CSPP1: variants seen among roughly 807,000 people sequenced by gnomAD.
The protein encoded by CSPP1 is centrosome and spindle pole-associated protein 1.
Under a neutral mutation model 164.4 loss-of-function variants are expected in CSPP1, and 126 were observed. That is an observed-to-expected ratio of 0.77 (90% CI 0.66 to 0.89). The LOEUF (loss-of-function observed/expected upper bound fraction) is 0.89, where lower values mean the gene tolerates loss of function less well. Among genes scored for constraint, CSPP1 ranks in the 40% least tolerant of loss-of-function variants. The probability of loss-of-function intolerance (pLI) is 0.00; values close to 1 mark genes in which losing one functional copy is unlikely to be tolerated. For missense variants in CSPP1, 1,395 were observed against 1,449.8 expected, an observed-to-expected ratio of 0.96 and a Z score of 0.61; for synonymous variants, 472 against 476.7, an observed-to-expected ratio of 0.99 and a Z score of 0.13.
chr8:67,194,933 T>C (rs938600612), intron 30 of CSPP1, among the ~76,000 whole-genome samples: 1 of 152,164 alleles, frequency 6.6e-6, no homozygotes, highest in Non-Finnish European at 1.5e-5. Context: ...AATTTCCTTA[T>C]AGCAGTGTTG....
intron 28 of CSPP1, among the ~76,000 whole-genome samples, chr8:67,183,083 C>T (rs911161712): frequency 1.3e-5 from 2 of 152,204 alleles, no homozygotes; most frequent in Non-Finnish European, 2.9e-5. Flanking sequence ...CATATGCTTG[C>T]TTCTAAGAGT....
At chr8:67,162,740 C>T (rs1191271227) in intron 22 of CSPP1, among the ~76,000 whole-genome samples, 2 of 152,078 alleles carry the variant, frequency 1.3e-5, no homozygotes, top group Non-Finnish European at 2.9e-5. Context: ...CAAACAAAGG[C>T]AGTGACACCA....
intron 8 of CSPP1, among the ~76,000 whole-genome samples, chr8:67,104,992 T>A (rs1274083109): frequency 7.8e-6 from 1 of 128,108 alleles, no homozygotes; most frequent in Non-Finnish European, 1.6e-5. Flanking sequence ...TTTTTTTTTT[T>A]ACTGGGGTAG....
intron 8 of CSPP1, among the ~76,000 whole-genome samples, chr8:67,105,332 G>T (rs1306976378): frequency 6.6e-6 from 1 of 151,826 alleles, no homozygotes; most frequent in Non-Finnish European, 1.5e-5. Context: ...GCCTGAAAAA[G>T]ATTTTATTTG....
chr8:67,152,086 CAAAA>C (rs1185447488), intron 18 of CSPP1, among the ~76,000 whole-genome samples: 1 of 58,138 alleles, frequency 1.7e-5, no homozygotes, highest in South Asian at 6.1e-4. Context: ...GACTCCATCT[CAAAA>C]AAAAAAAAAA....
At chr8:67,153,367 A>G (rs1217978306) in intron 18 of CSPP1, among the ~76,000 whole-genome samples, 1 of 152,140 alleles carries the variant, frequency 6.6e-6, no homozygotes, top group East Asian at 1.9e-4. Context: ...AATTGCTTTT[A>G]TGAAATAATT....
At chr8:67,148,954 T>C (rs1206571858) in intron 17 of CSPP1, among the ~76,000 whole-genome samples, 1 of 152,206 alleles carries the variant, frequency 6.6e-6, no homozygotes, top group East Asian at 1.9e-4. Flanking sequence ...ATCTTGCGGT[T>C]CTGAGGGTTA....
chr8:67,147,690 C>T (rs1321247001), intron 17 of CSPP1, among the ~76,000 whole-genome samples: 1 of 151,938 alleles, frequency 6.6e-6, no homozygotes, highest in Non-Finnish European at 1.5e-5. Context: ...TTGTATCCTC[C>T]GAGATGCTGT....
Position 67,131,821 on chromosome 8 carries a change from TG to T in CSPP1, c.1698-128del, listed in dbSNP as rs1821290636. ...AAGGGGTCACTTAAGGATTCCTCTT[TG>T]GCCTATAGAGAAATATCCTTCTGTA... On this transcript the variant is annotated intron_variant, in intron 15 of 30. Coordinates refer to ENST00000678616, the MANE Select transcript of CSPP1 (RefSeq NM_001382391.1). 6.6e-6 allele frequency: 5 copies of T among 759,730 alleles called. No homozygotes were observed. The South Asian group carries it at 1.0e-4, about 16-fold the overall frequency. 47.1% of individuals were successfully genotyped at this position (759,730 alleles called of 1,614,324 possible). A position where few individuals can be genotyped will look rare whatever the true frequency, so the allele number is the denominator to read the frequency against.
chr8:67,175,335 A>T lies in CSPP1; in HGVS notation c.3008A>T (p.Asp1003Val). The T allele has an allele frequency of 6.2e-7, 1 of 1,613,696 alleles. No homozygotes were observed. The highest frequency in any genetic ancestry group is 8.5e-7 in the Non-Finnish European group (1 of 1,179,600). ...GTTGATCTGAAATTTATGTACCTGG[A>T]TCCTCCAAGAGATCATCACACCTTA... ...TRVDLKFMYL[D>V]PPRDHHTLEI... Residue 1003 changes from aspartate to valine, a missense_variant, in exon 26 of 31, where the codon GAT (aspartate) becomes GTT (valine). Transcript: ENST00000678616.
At chr8:67,113,120 T>C (rs1207327371) in intron 10 of CSPP1, among the ~76,000 whole-genome samples, 2 of 152,022 alleles carry the variant, frequency 1.3e-5, no homozygotes, top group Non-Finnish European at 2.9e-5. Flanking sequence ...TGGCACATGC[T>C]TGTGGTCCCA....
intron 16 of CSPP1, chr8:67,133,918 ACTC>A (rs1821741133): frequency 6.6e-6 from 1 of 151,846 alleles, no homozygotes; most frequent in Admixed American, 6.6e-5. Flanking sequence ...ATAAGAAGCA[ACTC>A]CTCATCCATT....
At chr8:67,170,381 G>A (rs1586699453) in intron 24 of CSPP1, among the ~76,000 whole-genome samples, 1 of 152,050 alleles carries the variant, frequency 6.6e-6, no homozygotes, top group East Asian at 1.9e-4. Context: ...TGCTTGAACT[G>A]GGAAGTGGAG....
chr8:67,154,029 A>G lies in CSPP1; in HGVS notation c.2134A>G (p.Met712Val), dbSNP rs777317580. The G allele has an allele frequency of 2.6e-6, 4 of 1,565,704 alleles. No individual in the cohort carries two copies. Among genetic ancestry groups the G allele is most frequent in the Non-Finnish European group, 3.5e-6 (4 of 1,137,860 alleles). The stretch of plus-strand genomic sequence containing the variant: ...TGCAAAATATTTCTTTCAAGGTCAT[A>G]TGCAAACACAGAGCTCTCCTTTTGC... ...EDAANKSSGH[M>V]QTQSSPFARG... The change falls in exon 19 of 31, where the codon ATG becomes GTG. Residue 712 changes from methionine (M) to valine (V), a missense_variant. By Grantham distance (21) the Met-to-Val change is conservative (BLOSUM62 1). Transcript: ENST00000678616.
At chr8:67,188,855 C>G (rs1158785676) in intron 28 of CSPP1, among the ~76,000 whole-genome samples, 2 of 152,184 alleles carry the variant, frequency 1.3e-5, no homozygotes, top group Non-Finnish European at 2.9e-5. Flanking sequence ...TCACTGGGTT[C>G]CACGGTTCTC....
In CSPP1 at chr8:67,161,901, C is replaced by T. The variant is rs199521775; in HGVS notation, c.2629C>T (p.Arg877Cys). The T allele has an allele frequency of 1.0e-4, 163 of 1,604,778 alleles. 2 individuals are homozygous for T. In the South Asian group the frequency reaches 1.3e-3, roughly 12 times the overall value. The change falls in exon 22 of 31, where the codon CGT becomes TGT. Residue 877 changes from arginine to cysteine, a missense_variant. Physicochemically the swap from Arg to Cys is radical, Grantham distance 180. Coordinates refer to ENST00000678616, the MANE Select transcript of CSPP1 (RefSeq NM_001382391.1). ...QRPPSVDSII[R>C]SFIHESSMSR... is the part of the protein sequence containing the mutation. ...ACCTCCTTCAGTTGACAGCATCATA[C>T]GTTCCTTTATTCATGTATGTACTTT...
At position 67,159,957 on chromosome 8, in the gene CSPP1, C is replaced by CG. The variant is rs1554605789; in HGVS notation, c.2538+820_2538+821insG. Among the ~76,000 whole-genome samples, 2 of 20,022 alleles carry CG rather than the reference C, an allele frequency of 1.0e-4. 1 individual carries two copies. The highest frequency in any genetic ancestry group is 4.5e-3 in the South Asian group (2 of 442). The allele number at this position is 20,022 out of a possible 152,430, so 13.1% of individuals were successfully genotyped here. On this transcript the variant is annotated intron_variant, in intron 21 of 30. Transcript: ENST00000678616. ...TCCTTCCTTCCTTCCTTCCTTCCTT[C>CG]TTTCTTTTCTTTTCTTTTCTTTTCT...
chr8:67,133,214 G>A (rs1821587240), intron 16 of CSPP1, among the ~76,000 whole-genome samples: 1 of 152,164 alleles, frequency 6.6e-6, no homozygotes, highest in Non-Finnish European at 1.5e-5. Flanking sequence ...ATATGGTTAT[G>A]AGTTTAAAAG....
At chr8:67,127,773 AGTT>A (rs1207326307) in intron 15 of CSPP1, among the ~76,000 whole-genome samples, 1 of 152,190 alleles carries the variant, frequency 6.6e-6, no homozygotes, top group African/African-American at 2.4e-5. Context: ...TCCTCAGTAT[AGTT>A]GTTTTTAAGT....
Sources: gnomAD v4.1 joint callset for allele counts (sites outside exome capture counted in the v4.1 genomes callset) on GRCh38, gnomAD v4.1.1 for gene constraint, MANE v1.5 for transcripts, NCBI Gene and HGNC (gene_info 2026-07-23, HGNC 2026-07-21) for gene names.